The following GHR variants were observed in gnomAD, a reference collection of about 807,000 sequenced individuals.
The protein encoded by GHR is GH receptor.
In GHR, 35 loss-of-function variants were observed where a neutral mutation model predicts 67.1. That is an observed-to-expected ratio of 0.52 (90% CI 0.40 to 0.69). The LOEUF is 0.69. GHR is among the 30% of genes least tolerant of loss of function. The pLI, the probability that GHR is intolerant of heterozygous loss-of-function variation, is 0.00. For synonymous variants in GHR, 272 were observed against 269.1 expected, an observed-to-expected ratio of 1.01 and a Z score of -0.10; for missense variants, 792 against 764.6, an observed-to-expected ratio of 1.04 and a Z score of -0.42.
intron 3 of GHR, among the ~76,000 whole-genome samples, chr5:42,654,106 C>G (rs964900376): frequency 6.6e-6 from 1 of 152,110 alleles, no homozygotes; most frequent in Non-Finnish European, 1.5e-5. Context: ...TAGAACCAGA[C>G]AGGTAGTAGG....
Position 42,605,278 on chromosome 5 carries a change from T to C in GHR, c.71-23760T>C, listed in dbSNP as rs143145588. 3.5e-3 allele frequency among the ~76,000 whole-genome samples: 535 copies of C among 151,360 alleles called. 2 individuals are homozygous for C. Among genetic ancestry groups the C allele is most frequent in the African/African-American group, 0.013 (519 of 41,270 alleles). On this transcript the variant is annotated intron_variant, in intron 2 of 9. Coordinates refer to ENST00000230882, the MANE Select transcript of GHR (RefSeq NM_000163.5). ...ACCAACACGCCCGGCTAATTTTGTA[T>C]TTTTTTTAGTAGAGATGGGGTTTCT...
chr5:42,482,628 A>G (rs1745699277), intron 1 of GHR, among the ~76,000 whole-genome samples: 1 of 152,068 alleles, frequency 6.6e-6, no homozygotes. Flanking sequence ...GTTCAATCTT[A>G]GACTGCTGTG....
intron 1 of GHR, among the ~76,000 whole-genome samples, chr5:42,506,965 A>T (rs1746804266): frequency 1.3e-5 from 2 of 152,212 alleles, no homozygotes; most frequent in Admixed American, 1.3e-4. Flanking sequence ...TGGGTAAATT[A>T]TAAGATTATA....
chr5:42,557,718 G>A (rs1413888597), intron 1 of GHR, among the ~76,000 whole-genome samples: 1 of 152,082 alleles, frequency 6.6e-6, no homozygotes, highest in Non-Finnish European at 1.5e-5. Flanking sequence ...TAGCATCTGT[G>A]GTAGAAGCTA....
chr5:42,668,047 A>C (rs4994772), intron 3 of GHR, among the ~76,000 whole-genome samples: 126,136 of 152,136 alleles, frequency 0.83, 52,542 homozygotes, highest in East Asian at 1. Context: ...GGTAGATCCA[A>C]ATATCATGTC....
chr5:42,505,004 A>G (rs996865283), intron 1 of GHR, among the ~76,000 whole-genome samples: 1 of 152,256 alleles, frequency 6.6e-6, no homozygotes, highest in African/African-American at 2.4e-5. Flanking sequence ...ACAAAGTCAC[A>G]TGTACCAGTG....
At chr5:42,580,717 G>A (rs775071631) in intron 2 of GHR, among the ~76,000 whole-genome samples, 2 of 152,176 alleles carry the variant, frequency 1.3e-5, no homozygotes, top group Non-Finnish European at 2.9e-5. Context: ...CTTCTCTAGT[G>A]TGTTTTTCTC....
At chr5:42,649,288 A>G (rs1471009466) in intron 3 of GHR, among the ~76,000 whole-genome samples, 1 of 152,176 alleles carries the variant, frequency 6.6e-6, no homozygotes, top group Non-Finnish European at 1.5e-5. Context: ...AGTCACTAAT[A>G]TTTCATTAAC....
At chr5:42,456,310 A>AAAAT (rs1308256877) in intron 1 of GHR, among the ~76,000 whole-genome samples, 1 of 152,218 alleles carries the variant, frequency 6.6e-6, no homozygotes, top group African/African-American at 2.4e-5. Context: ...ACTCCGTCTC[A>AAAAT]AAATAAATAA....
chr5:42,649,258 T>C (rs886979865), intron 3 of GHR, among the ~76,000 whole-genome samples: 1 of 152,200 alleles, frequency 6.6e-6, no homozygotes, highest in Admixed American at 6.5e-5. Flanking sequence ...TGCTCAGCTC[T>C]AAAAATATGC....
chr5:42,529,473 T>G (rs989597283), intron 1 of GHR, among the ~76,000 whole-genome samples: 2 of 152,214 alleles, frequency 1.3e-5, no homozygotes, highest in Admixed American at 1.3e-4. Context: ...CTTGTTAAAA[T>G]CATGGTCACC....
In GHR at chr5:42,631,072, G is replaced by A. The variant is rs1339270502; in HGVS notation, c.136+1969G>A. 2.6e-5 allele frequency among the ~76,000 whole-genome samples: 4 copies of A among 151,856 alleles called. No homozygotes were observed. In the East Asian group the frequency reaches 7.7e-4, roughly 29 times the overall value. On this transcript the variant is annotated intron_variant, in intron 3 of 9. Transcript: ENST00000230882. ...CCTGTCCATATCACCAGTATTCACA[G>A]TCTCAAGGAGTCTTGAGAAAGTGTG...
chr5:42,669,992 AAGTCATTCTTTATAGC>A (rs1756192809), intron 3 of GHR, among the ~76,000 whole-genome samples: 1 of 152,220 alleles, frequency 6.6e-6, no homozygotes, highest in Admixed American at 6.5e-5. Flanking sequence ...CAAAATTCCA[AAGTCATTCTTTATAGC>A]AGTAGAAAAA....
At chr5:42,698,123 G>T (rs2111728127) in intron 5 of GHR, among the ~76,000 whole-genome samples, 1 of 152,264 alleles carries the variant, frequency 6.6e-6, no homozygotes, top group African/African-American at 2.4e-5. Context: ...GCAAGGGTTT[G>T]TTTGGGGATA....
At chr5:42,580,380 GC>G (rs1751096482) in intron 2 of GHR, among the ~76,000 whole-genome samples, 1 of 151,844 alleles carries the variant, frequency 6.6e-6, no homozygotes, top group Non-Finnish European at 1.5e-5. Flanking sequence ...TGAATGTGAG[GC>G]AGACAATAGG....
chr5:42,513,758 G>A (rs984746098), intron 1 of GHR, among the ~76,000 whole-genome samples: 4 of 151,904 alleles, frequency 2.6e-5, no homozygotes, highest in Admixed American at 1.3e-4. Context: ...CTCCAGTCTG[G>A]GCAACAAAAG....
At position 42,424,576 on chromosome 5, in the gene GHR, G is replaced by A. The variant is rs751845086; in HGVS notation, c.-12+621G>A. 6.5e-6 allele frequency: 10 copies of A among 1,534,568 alleles called. No homozygotes were observed. In the South Asian group the frequency reaches 1.1e-4, roughly 16 times the overall value. ...TGGAACTGGGGTCAGTAGAGTGACA[G>A]CCACCAGTCCGCATGAACTGGGGTA... On this transcript the variant is annotated intron_variant, in intron 1 of 9. Transcript: ENST00000230882. The surrounding 1 kb of genome is among the most constrained non-coding windows in gnomAD (Gnocchi z 4.1).
At chr5:42,477,568 C>A (rs899518145) in intron 1 of GHR, among the ~76,000 whole-genome samples, 3 of 152,126 alleles carry the variant, frequency 2.0e-5, no homozygotes, top group Non-Finnish European at 4.4e-5. Flanking sequence ...TTTTAATGAT[C>A]GCCATTCCAA....
chr5:42,673,987 G>T (rs1157664323), intron 3 of GHR, among the ~76,000 whole-genome samples: 2 of 151,996 alleles, frequency 1.3e-5, no homozygotes, highest in Non-Finnish European at 2.9e-5. Flanking sequence ...TAATTTTCCA[G>T]GTGACTCTAA....
Sources: allele counts gnomAD v4.1 joint callset (sites outside exome capture counted in the v4.1 genomes callset), GRCh38; gene constraint gnomAD v4.1.1; non-coding constraint Gnocchi (gnomAD v3.1); transcripts MANE v1.5; gene names NCBI Gene and HGNC (gene_info 2026-07-23, HGNC 2026-07-21).